ZBTB20: variants seen among roughly 807,000 people sequenced by gnomAD.
The protein encoded by ZBTB20 is zinc finger and BTB domain-containing protein 20.
Under a neutral mutation model 56.9 loss-of-function variants are expected in ZBTB20, and 9 were observed. The observed-to-expected ratio is 0.16, with a 90% CI of 0.10 to 0.28. The LOEUF (loss-of-function observed/expected upper bound fraction) is 0.28, where lower values mean the gene tolerates loss of function less well. Among genes scored for constraint, ZBTB20 ranks in the 10% least tolerant of loss-of-function variants. The pLI, the probability that ZBTB20 is intolerant of heterozygous loss-of-function variation, is 1.00. For missense variants in ZBTB20, 655 were observed against 1,003.0 expected (o/e 0.65, Z 4.69); for synonymous variants, 417 against 420.7 (o/e 0.99, Z 0.11).
At chr3:114,805,518 A>G (rs1184476279) in intron 4 of ZBTB20, among the ~76,000 whole-genome samples, 1 of 149,310 alleles carries the variant, frequency 6.7e-6, no homozygotes, top group Non-Finnish European at 1.5e-5. Context: ...TCAAAGGTAT[A>G]TGATATCTCG....
intron 7 of ZBTB20, among the ~76,000 whole-genome samples, chr3:114,418,072 T>C (rs1200932098): frequency 6.6e-6 from 1 of 152,066 alleles, no homozygotes; most frequent in African/African-American, 2.4e-5. Context: ...TCAGTATAGA[T>C]TCTGAAACTT....
At chr3:114,842,412 C>A (rs1351262985) in intron 4 of ZBTB20, among the ~76,000 whole-genome samples, 6 of 152,098 alleles carry the variant, frequency 3.9e-5, no homozygotes, top group Non-Finnish European at 7.4e-5. Context: ...TCTACCTTAC[C>A]CCTTCTTTAA....
intron 3 of ZBTB20, among the ~76,000 whole-genome samples, chr3:114,904,633 G>T (rs1366102987): frequency 3.3e-5 from 5 of 151,940 alleles, no homozygotes; most frequent in African/African-American, 1.2e-4. Context: ...GGCTTCTGTG[G>T]TTTCTCTCAA....
chr3:114,355,813 A>T (rs2081191485), intron 10 of ZBTB20, among the ~76,000 whole-genome samples: 1 of 151,766 alleles, frequency 6.6e-6, no homozygotes, highest in Non-Finnish European at 1.5e-5. Context: ...GGCACTGAAT[A>T]GGCATTTGGG....
chr3:114,718,329 C>T (rs1264020124), intron 5 of ZBTB20, among the ~76,000 whole-genome samples: 1 of 152,068 alleles, frequency 6.6e-6, no homozygotes, highest in Non-Finnish European at 1.5e-5. Flanking sequence ...GTTCCCCCTA[C>T]CCACAGCAAA....
intron 6 of ZBTB20, among the ~76,000 whole-genome samples, chr3:114,590,779 G>C (rs960597903): frequency 1.3e-5 from 2 of 152,110 alleles, no homozygotes; most frequent in Non-Finnish European, 2.9e-5. Context: ...TAAGGAGAAA[G>C]TGCCTGGAAA....
chr3:114,920,954 A>T (rs2075934423), intron 3 of ZBTB20, among the ~76,000 whole-genome samples: 1 of 152,216 alleles, frequency 6.6e-6, no homozygotes, highest in African/African-American at 2.4e-5. Flanking sequence ...AGACTACATT[A>T]AACAATTACA....
chr3:114,499,175 A>C (rs140735254), intron 7 of ZBTB20, among the ~76,000 whole-genome samples: 1 of 152,170 alleles, frequency 6.6e-6, no homozygotes, highest in Non-Finnish European at 1.5e-5. Context: ...ATAGAGAATA[A>C]CAAGACTTGT....
At chr3:114,737,691 T>G (rs908590856) in intron 5 of ZBTB20, among the ~76,000 whole-genome samples, 2 of 152,146 alleles carry the variant, frequency 1.3e-5, no homozygotes, top group African/African-American at 4.8e-5. Context: ...TGAAATTTTA[T>G]CAGAAATAAA....
intron 7 of ZBTB20, among the ~76,000 whole-genome samples, chr3:114,422,363 T>C (rs1273805423): frequency 1.3e-5 from 2 of 152,146 alleles, no homozygotes; most frequent in East Asian, 1.9e-4. Context: ...GGCTGTGAAG[T>C]AGGACTTTAT....
At chr3:114,548,099 G>A (rs1484162737) in intron 6 of ZBTB20, among the ~76,000 whole-genome samples, 1 of 152,206 alleles carries the variant, frequency 6.6e-6, no homozygotes, top group Non-Finnish European at 1.5e-5. Context: ...CTGATAGAAG[G>A]CCATGTGTTT....
At chr3:115,102,436 T>C (rs1308666354) in intron 1 of ZBTB20, 3 of 152,086 alleles carry the variant, frequency 2.0e-5, no homozygotes, top group African/African-American at 7.2e-5. Context: ...AAATGTCAAT[T>C]AAAAAAACAC....
At chr3:114,614,171 A>G (rs2057755459) in intron 6 of ZBTB20, among the ~76,000 whole-genome samples, 1 of 152,210 alleles carries the variant, frequency 6.6e-6, no homozygotes, top group Non-Finnish European at 1.5e-5. Context: ...ATAGATGTCT[A>G]CAGAATATAT....
chr3:114,724,778 T>C (rs777218236), intron 5 of ZBTB20, among the ~76,000 whole-genome samples: 13 of 152,200 alleles, frequency 8.5e-5, no homozygotes, highest in Non-Finnish European at 1.8e-4. Context: ...TTAACAACTA[T>C]CAGTTTGGTG....
At chr3:114,400,550 C>T (rs1000179651) in intron 7 of ZBTB20, among the ~76,000 whole-genome samples, 6 of 152,134 alleles carry the variant, frequency 3.9e-5, no homozygotes, top group African/African-American at 2.4e-5. Context: ...TCTCCCAGCA[C>T]GCTGCAGAGA....
At chr3:114,432,933 A>G (rs1366969616) in intron 7 of ZBTB20, among the ~76,000 whole-genome samples, 1 of 152,124 alleles carries the variant, frequency 6.6e-6, no homozygotes, top group Non-Finnish European at 1.5e-5. Flanking sequence ...ACCTAACCTA[A>G]AAGCTTAGAG....
intron 3 of ZBTB20, among the ~76,000 whole-genome samples, chr3:114,967,362 A>G (rs575838010): frequency 2.0e-5 from 3 of 152,348 alleles, no homozygotes; most frequent in African/African-American, 7.2e-5. Flanking sequence ...AATACTGATG[A>G]TATCAGCAAA....
intron 5 of ZBTB20, among the ~76,000 whole-genome samples, chr3:114,799,940 A>G (rs2071596276): frequency 6.6e-6 from 1 of 151,962 alleles, no homozygotes; most frequent in Non-Finnish European, 1.5e-5. Flanking sequence ...AACTACAGTC[A>G]ATAAAGAGTG....
chr3:114,592,507 C>T (rs2055874821), intron 6 of ZBTB20, among the ~76,000 whole-genome samples: 1 of 152,086 alleles, frequency 6.6e-6, no homozygotes, highest in Admixed American at 6.5e-5. Flanking sequence ...AGTGAGTTTC[C>T]TTTTGGCAGA....
Sources: gnomAD v4.1 joint callset for allele counts (sites outside exome capture counted in the v4.1 genomes callset) on GRCh38, gnomAD v4.1.1 for gene constraint, MANE v1.5 for transcripts, NCBI Gene and HGNC (gene_info 2026-07-23, HGNC 2026-07-21) for gene names.